The following NONO variants were observed in gnomAD, a reference collection of about 807,000 sequenced individuals.
NONO encodes the protein non-POU domain-containing octamer-binding protein.
Under a neutral mutation model 40.2 loss-of-function variants are expected in NONO, and 6 were observed. The ratio of observed to expected loss-of-function variants is 0.15; its 90% CI spans 0.08 to 0.29. NONO has a LOEUF of 0.29. Ranked by LOEUF, NONO falls within the 10% of genes least tolerant of loss-of-function variation. The pLI, the probability that NONO is intolerant of heterozygous loss-of-function variation, is 1.00. For synonymous variants in NONO, 89 were observed against 123.3 expected (o/e 0.72, Z 1.85); for missense variants, 133 against 397.8 (o/e 0.33, Z 5.66).
chrX:71,298,264 G>A, intron 9 of NONO: 2 of 454,612 alleles, frequency 4.4e-6, no homozygotes, highest in Non-Finnish European at 7.8e-6. Context: ...CCTCTCTGTT[G>A]CTAATAGGAG....
At chrX:71,287,912 G>A (rs1230485203) in intron 2 of NONO, among the ~76,000 whole-genome samples, 1 of 76,629 alleles carries the variant, frequency 1.3e-5, no homozygotes, top group Non-Finnish European at 2.4e-5. Context: ...TTGCTATGTT[G>A]CCCAGGCTGG....
chrX:71,294,584 C>A, intron 5 of NONO, 56 bp downstream of exon 5: 1 of 1,084,647 alleles, frequency 9.2e-7, no homozygotes, highest in Non-Finnish European at 1.2e-6. Context: ...CTTCCATGGT[C>A]TGGAGAGTTA....
Position 71,290,642 on chromosome X carries a change from A to T in NONO, c.5A>T (p.Gln2Leu). 1 of 1,209,081 alleles carries T rather than the reference A, an allele frequency of 8.3e-7. No homozygotes were observed. Among genetic ancestry groups the T allele is most frequent in the Non-Finnish European group, 1.1e-6 (1 of 893,871 alleles). Residue 2 changes from glutamine to leucine, a missense_variant, in exon 3 of 12, where the codon CAG (glutamine) becomes CTG (leucine). Gln to Leu is a moderately radical substitution (Grantham distance 113, BLOSUM62 -2). Transcript: ENST00000276079. The part of the protein sequence containing the change: M[Q>L]SNKTFNLEKQ... ...TTTTCTTTGTAGGGTGCAAAAATGC[A>T]GAGTAATAAAACTTTTAACTTGGAG...
At chrX:71,286,361 T>C (rs1021106284) in intron 2 of NONO, among the ~76,000 whole-genome samples, 3 of 111,593 alleles carry the variant, frequency 2.7e-5, no homozygotes, top group African/African-American at 9.8e-5. Context: ...TCTTAAGTAC[T>C]ATATAATTTA....
chrX:71,300,620 T>C lies in NONO; in HGVS notation c.*544T>C, dbSNP rs904757904. The C allele has an allele frequency of 3.8e-5, 7 of 184,654 alleles. No homozygotes were observed. Among genetic ancestry groups the C allele is most frequent in the Non-Finnish European group, 7.1e-5 (7 of 98,795 alleles). 15.2% of individuals were successfully genotyped at this position (184,654 alleles called of 1,213,427 possible). On this transcript the variant is annotated 3_prime_UTR_variant, in exon 12 of 12. Transcript: ENST00000276079. ...GTGAGCCACCGTGCCCAACCTCACT[T>C]GCTTCTTATCCTTACACTCCCCCAG...
At position 71,290,730 on chromosome X, in the gene NONO, G is replaced by C; in HGVS notation, c.93G>C (p.Gln31His). The C allele has an allele frequency of 8.4e-7, 1 of 1,193,541 alleles. No homozygotes were observed. The highest frequency in any genetic ancestry group is 1.1e-6 in the Non-Finnish European group (1 of 883,628). ...ACCACCAGCAGCAGCACCACCAGCA[G>C]CAACAGCAGCAGCCGCCACCACCGC... ...QHHHQQQHHQ[Q>H]QQQQPPPPPI... The change falls in exon 3 of 12, where the codon CAG becomes CAC. Residue 31 changes from glutamine (Q) to histidine (H), a missense_variant. Coordinates refer to ENST00000276079, the MANE Select transcript of NONO (RefSeq NM_007363.5).
chrX:71,290,803 C>T lies in NONO; in HGVS notation c.154+12C>T. The stretch of plus-strand genomic sequence containing the variant: ...GGCCAGCAGCCAAAGTGTGTATATG[C>T]TAGGTGATGGAGTAGAAATGGATTC... On this transcript the variant is annotated intron_variant, in intron 3 of 11. Transcript: ENST00000276079. The T allele has an allele frequency of 8.9e-7, 1 of 1,129,548 alleles. No individual in the cohort carries two copies. The allele number at this position is 1,129,548 out of a possible 1,213,427, so 93.1% of individuals were successfully genotyped here.
At position 71,288,256 on chromosome X, in the gene NONO, G is replaced by A. The variant is rs111946216; in HGVS notation, c.-9-2373G>A. Among the ~76,000 whole-genome samples the A allele has an allele frequency of 3.3e-3, 345 of 103,187 alleles. 2 individuals are homozygous for A. Among genetic ancestry groups the A allele is most frequent in the African/African-American group, 0.012 (324 of 28,132 alleles). 89.6% of individuals were successfully genotyped at this position (103,187 alleles called of 115,157 possible). ...ACTACATGAGTGTGCTATCATGCCTGTCTAATTTTTTTAATACATATTTTT... is the reference window on the plus strand; with the variant it reads ...ACTACATGAGTGTGCTATCATGCCTATCTAATTTTTTTAATACATATTTTT... On this transcript the variant is annotated intron_variant, in intron 2 of 11. Transcript: ENST00000276079.
At chrX:71,299,531 G>T (rs974038472) in intron 11 of NONO, among the ~76,000 whole-genome samples, 1 of 112,593 alleles carries the variant, frequency 8.9e-6, no homozygotes, top group African/African-American at 3.2e-5. Context: ...ATACTTCATG[G>T]CTCATGCAAT....
intron 2 of NONO, among the ~76,000 whole-genome samples, chrX:71,287,291 G>A (rs1292985297): frequency 9.0e-6 from 1 of 111,007 alleles, no homozygotes; most frequent in Non-Finnish European, 1.9e-5. Context: ...ATGTTGGTCA[G>A]GCTGGTCTTG....
At position 71,290,856 on chromosome X, in the gene NONO, G is replaced by C. The variant is rs2031311328; in HGVS notation, c.154+65G>C. On this transcript the variant is annotated intron_variant, in intron 3 of 11. Coordinates refer to ENST00000276079, the MANE Select transcript of NONO (RefSeq NM_007363.5). ...TCTGGGAATGGTTTCTTGGTTTTTA[G>C]ATTAGTTTCTCGGGCTTATAAGGGA... The C allele has an allele frequency of 2.8e-6, 3 of 1,068,063 alleles. No individual in the cohort carries two copies. The African/African-American group carries it at 5.7e-5, about 20-fold the overall frequency. 88.0% of individuals were successfully genotyped at this position (1,068,063 alleles called of 1,213,427 possible). A position where few individuals can be genotyped will look rare whatever the true frequency, so the allele number is the denominator to read the frequency against.
At chrX:71,289,253 G>A (rs1201288333) in intron 2 of NONO, among the ~76,000 whole-genome samples, 2 of 111,080 alleles carry the variant, frequency 1.8e-5, no homozygotes, top group Non-Finnish European at 3.8e-5. Flanking sequence ...ATGCCTCGTT[G>A]TTTTTAATTT....
At chrX:71,293,175 G>T (rs2031363332) in intron 4 of NONO, 1 of 112,136 alleles carries the variant, frequency 8.9e-6, no homozygotes, top group Non-Finnish European at 1.9e-5. Context: ...AATCTGCCAA[G>T]TCATTTTTCT....
chrX:71,291,713 G>T (rs781759540), intron 3 of NONO, 66 bp from the exon 4 acceptor site: 59 of 840,841 alleles, frequency 7.0e-5, no homozygotes, highest in Non-Finnish European at 9.7e-5. Context: ...GTGGTTATAG[G>T]TCTTTGAGGA....
intron 2 of NONO, among the ~76,000 whole-genome samples, chrX:71,289,283 T>A (rs969188272): frequency 1.4e-4 from 16 of 111,725 alleles, no homozygotes; most frequent in Middle Eastern, 4.6e-3. Context: ...TTAAATTTTT[T>A]AAAATTTTTT....
intron 2 of NONO, among the ~76,000 whole-genome samples, chrX:71,287,496 G>C (rs1221065151): frequency 9.0e-6 from 1 of 111,238 alleles, no homozygotes; most frequent in African/African-American, 3.3e-5. Flanking sequence ...TCCTGCCTCA[G>C]CCTCCCAAGT....
chrX:71,299,908 T>C, intron 11 of NONO, 34 bp from the exon 12 acceptor site: 4 of 1,207,631 alleles, frequency 3.3e-6, no homozygotes, highest in Non-Finnish European at 4.5e-6. Context: ...CAACAATGGC[T>C]CTGTTACAGT....
chrX:71,294,876 G>A (rs1257929858), intron 5 of NONO, among the ~76,000 whole-genome samples: 13 of 110,334 alleles, frequency 1.2e-4, no homozygotes, highest in African/African-American at 2.3e-4. Context: ...CTGAGATCAC[G>A]CCACTGCACT....
Position 71,297,003 on chromosome X carries a change from T to C in NONO, c.899T>C (p.Met300Thr). The C allele has an allele frequency of 8.3e-7, 1 of 1,206,396 alleles. No homozygotes were observed. Among genetic ancestry groups the C allele is most frequent in the Non-Finnish European group, 1.1e-6 (1 of 892,603 alleles). The change falls in exon 7 of 12, where the codon ATG becomes ACG. Residue 300 changes from methionine to threonine, a missense_variant. Physicochemically the swap from Met to Thr is moderately conservative, Grantham distance 81 (BLOSUM62 -1). Around this residue, in one of 3 missense-constraint regions of NONO, gnomAD observed 73 missense variants for 162.2 expected, o/e 0.45. Coordinates refer to ENST00000276079, the MANE Select transcript of NONO (RefSeq NM_007363.5). ...GCTCGTGAGAAGCTGGAGATGGAGA[T>C]GGAAGCTGCACGCCATGAGCACCAG... The part of the protein sequence containing the change: ...KEAREKLEME[M>T]EAARHEHQVM...
Sources: allele counts gnomAD v4.1 joint callset (sites outside exome capture counted in the v4.1 genomes callset), GRCh38; gene constraint gnomAD v4.1.1; regional missense constraint gnomAD v4.1.1; transcripts MANE v1.5; gene names NCBI Gene and HGNC (gene_info 2026-07-23, HGNC 2026-07-21).